TRAPPC8: variants seen among roughly 807,000 people sequenced by gnomAD.
The protein encoded by TRAPPC8 is trafficking protein particle complex subunit 8.
TRAPPC8 carries 54 observed loss-of-function variants against 174.3 expected under a neutral mutation model. The observed-to-expected ratio is 0.31, with a 90% CI of 0.25 to 0.39. The LOEUF (loss-of-function observed/expected upper bound fraction) is 0.39. Ranked by LOEUF, TRAPPC8 falls within the 10% of genes least tolerant of loss-of-function variation. The pLI is 1.00. For missense variants in TRAPPC8, 1,531 were observed against 1,699.1 expected (o/e 0.90, Z 1.74); for synonymous variants, 630 against 579.9 (o/e 1.09, Z -1.24).
At chr18:31,915,470 G>A (rs1335223357) in intron 4 of TRAPPC8, among the ~76,000 whole-genome samples, 4 of 112,058 alleles carry the variant, frequency 3.6e-5, no homozygotes, top group Admixed American at 8.3e-5. Context: ...CAAAAAAAAA[G>A]GGGGGGGGGG....
At chr18:31,885,540 A>G (rs1207333215) in intron 12 of TRAPPC8, among the ~76,000 whole-genome samples, 11 of 152,026 alleles carry the variant, frequency 7.2e-5, no homozygotes, top group African/African-American at 2.4e-4. Flanking sequence ...ATGGTTATGT[A>G]AGGGAAAGTT....
At chr18:31,832,514 T>C (rs1452316514) in intron 27 of TRAPPC8, 2 of 152,616 alleles carry the variant, frequency 1.3e-5, no homozygotes, top group Non-Finnish European at 2.9e-5. Context: ...AAGTAAACCA[T>C]GAAAATGCCA....
At chr18:31,904,408 G>C (rs1238720306) in intron 9 of TRAPPC8, among the ~76,000 whole-genome samples, 2 of 152,164 alleles carry the variant, frequency 1.3e-5, no homozygotes, top group African/African-American at 4.8e-5. Flanking sequence ...AATTAGCCAG[G>C]TGTGGTGGTA....
chr18:31,911,971 G>A (rs2036932207), intron 5 of TRAPPC8, among the ~76,000 whole-genome samples: 1 of 151,842 alleles, frequency 6.6e-6, no homozygotes, highest in African/African-American at 2.4e-5. Context: ...CTACCAAGCG[G>A]CATACTATTG....
rs1469036106 is a variant in TRAPPC8 at position 31,894,089 on chromosome 18, T to C, written c.1597-3223A>G. On this transcript the variant is annotated intron_variant, in intron 11 of 28. Transcript: ENST00000283351. ...AACTGAAGGCAGATGTGGAAGTCCA[T>C]GGCCTTCCATGGTATTAATTTGGCT... Among the ~76,000 whole-genome samples, 11 of 152,350 alleles carry C rather than the reference T, an allele frequency of 7.2e-5. No homozygotes were observed. In the East Asian group the frequency reaches 2.1e-3, roughly 29 times the overall value.
At chr18:31,879,162 T>C (rs548965106) in intron 12 of TRAPPC8, among the ~76,000 whole-genome samples, 2 of 152,136 alleles carry the variant, frequency 1.3e-5, no homozygotes, top group Non-Finnish European at 2.9e-5. Flanking sequence ...AACTGACAAC[T>C]ACAGGATATA....
At chr18:31,856,707 A>C (rs367935278) in intron 20 of TRAPPC8, among the ~76,000 whole-genome samples, 2 of 152,122 alleles carry the variant, frequency 1.3e-5, no homozygotes, top group Non-Finnish European at 2.9e-5. Flanking sequence ...TGTGTTCTCT[A>C]ATCTGTAAAT....
intron 19 of TRAPPC8, among the ~76,000 whole-genome samples, chr18:31,861,932 A>C (rs1285108387): frequency 2.8e-5 from 2 of 72,518 alleles, no homozygotes; most frequent in East Asian, 8.8e-4. Context: ...CCAGAAAAAA[A>C]AAAAGGGGGG....
chr18:31,900,984 A>G lies in TRAPPC8; in HGVS notation c.1431T>C (p.Pro477=), dbSNP rs762660240. The change falls in exon 10 of 29, where the codon CCT becomes CCC. Residue 477 remains proline (P), a synonymous_variant. Coordinates refer to ENST00000283351, the MANE Select transcript of TRAPPC8 (RefSeq NM_014939.5). ...AVSAFLQPGA[P]RPYPAHYMDT... ...CCATGTAATGAGCAGGATATGGCCTAGGTGCTCCTGGTTGAAGAAAAGCAG... is the reference window on the plus strand; with the variant it reads ...CCATGTAATGAGCAGGATATGGCCTGGGTGCTCCTGGTTGAAGAAAAGCAG... 9 of 1,589,290 alleles carry G rather than the reference A, an allele frequency of 5.7e-6. No homozygotes were observed. Among genetic ancestry groups the G allele is most frequent in the African/African-American group, 2.7e-5 (2 of 72,828 alleles).
intron 16 of TRAPPC8, 123 bp from the exon 17 acceptor site, chr18:31,867,599 C>CAG: frequency 9.0e-6 from 6 of 665,472 alleles, no homozygotes; most frequent in Admixed American, 2.9e-5. Flanking sequence ...TTGGTTTTTA[C>CAG]CACATGCTGA....
intron 27 of TRAPPC8, among the ~76,000 whole-genome samples, chr18:31,836,044 A>G (rs980452037): frequency 6.6e-6 from 1 of 152,188 alleles, no homozygotes; most frequent in Non-Finnish European, 1.5e-5. Context: ...ATGGAAATAA[A>G]TGCTTTGTTA....
Position 31,907,449 on chromosome 18 carries a change from A to G in TRAPPC8, c.1389+11T>C, listed in dbSNP as rs756037367. The G allele has an allele frequency of 3.2e-6, 5 of 1,578,810 alleles. No individual in the cohort carries two copies. The highest frequency in any genetic ancestry group is 4.3e-6 in the Non-Finnish European group (5 of 1,161,488). ...CAGAATTAAGGAATTATAATACCAT[A>G]GAATACCAACCAAGGCACCAGCTGC... On this transcript the variant is annotated intron_variant, in intron 9 of 28. Coordinates refer to ENST00000283351, the MANE Select transcript of TRAPPC8 (RefSeq NM_014939.5).
chr18:31,890,577 A>G (rs545598796), intron 12 of TRAPPC8, among the ~76,000 whole-genome samples, 158 bp downstream of exon 12: 1 of 152,240 alleles, frequency 6.6e-6, no homozygotes, highest in Non-Finnish European at 1.5e-5. Context: ...CAAAATTTAT[A>G]GCCAGATTTG....
chr18:31,902,120 G>C (rs555296816), intron 9 of TRAPPC8, among the ~76,000 whole-genome samples: 3 of 152,142 alleles, frequency 2.0e-5, no homozygotes, highest in Non-Finnish European at 4.4e-5. Flanking sequence ...TTGGAGGCCA[G>C]CCTTGTGAAC....
At chr18:31,836,110 C>CA (rs1437579860) in intron 27 of TRAPPC8, among the ~76,000 whole-genome samples, 1 of 152,124 alleles carries the variant, frequency 6.6e-6, no homozygotes, top group Non-Finnish European at 1.5e-5. Context: ...GCAACAATGA[C>CA]TAATAGAGAT....
chr18:31,885,108 C>T (rs1444203907), intron 12 of TRAPPC8, among the ~76,000 whole-genome samples: 1 of 152,242 alleles, frequency 6.6e-6, no homozygotes. Flanking sequence ...CCGCCTGCGT[C>T]GGCCTCCCAA....
intron 1 of TRAPPC8, among the ~76,000 whole-genome samples, chr18:31,933,962 C>T (rs1268316951): frequency 1.3e-5 from 2 of 151,888 alleles, no homozygotes; most frequent in African/African-American, 4.8e-5. Flanking sequence ...CTGAAGCGGG[C>T]GGAACACTTG....
chr18:31,917,946 A>G lies in TRAPPC8; in HGVS notation c.353-279T>C, dbSNP rs560970499. Among the ~76,000 whole-genome samples the G allele has an allele frequency of 2.6e-5, 4 of 152,198 alleles. No homozygotes were observed. The South Asian group carries it at 8.3e-4, about 32-fold the overall frequency. ...CGAGACCAGCCTGGTCAACATGGCA[A>G]AACCTCGTGTCTCTACTAAAAATAC... On this transcript the variant is annotated intron_variant, in intron 2 of 28. Coordinates refer to ENST00000283351, the MANE Select transcript of TRAPPC8 (RefSeq NM_014939.5).
intron 9 of TRAPPC8, among the ~76,000 whole-genome samples, chr18:31,903,302 G>A (rs1351876928): frequency 1.3e-5 from 2 of 152,104 alleles, no homozygotes; most frequent in Non-Finnish European, 1.5e-5. Context: ...AATTATCTAC[G>A]ACAGTAATAT....
Sources: allele counts gnomAD v4.1 joint callset (sites outside exome capture counted in the v4.1 genomes callset), GRCh38; gene constraint gnomAD v4.1.1; transcripts MANE v1.5; gene names NCBI Gene and HGNC (gene_info 2026-07-23, HGNC 2026-07-21).